Variants in KCNIP4 observed in about 807,000 individuals in gnomAD.
KCNIP4 encodes the protein potassium voltage-gated channel interacting protein 4, also known as Kv channel-interacting protein 4.
A neutral mutation model predicts 34.0 loss-of-function variants in KCNIP4; 12 were observed. That is an observed-to-expected ratio of 0.35 (90% CI 0.23 to 0.57). The LOEUF is 0.57. Ranked by LOEUF, KCNIP4 falls within the 20% of genes least tolerant of loss-of-function variation. The probability of loss-of-function intolerance (pLI) is 0.83; values close to 1 mark genes in which losing one functional copy is unlikely to be tolerated. For synonymous variants in KCNIP4, 124 were observed against 102.2 expected (o/e 1.21, Z -1.29); for missense variants, 238 against 311.7 (o/e 0.76, Z 1.78).
intron 1 of KCNIP4, among the ~76,000 whole-genome samples, chr4:21,419,728 C>G (rs942498260): frequency 6.6e-6 from 1 of 151,810 alleles, no homozygotes; most frequent in Non-Finnish European, 1.5e-5. Flanking sequence ...TAGGTTAATT[C>G]TATTAGGCTT....
chr4:20,898,333 A>T (rs2149547770), intron 1 of KCNIP4, among the ~76,000 whole-genome samples: 1 of 152,278 alleles, frequency 6.6e-6, no homozygotes, highest in African/African-American at 2.4e-5. Flanking sequence ...ATAGTCTATT[A>T]GTTCTGTTTC....
At chr4:21,768,585 A>T (rs1220683330) in intron 1 of KCNIP4, among the ~76,000 whole-genome samples, 1 of 152,144 alleles carries the variant, frequency 6.6e-6, no homozygotes, top group East Asian at 1.9e-4. Flanking sequence ...GCTGGTAAGC[A>T]CCAAACTTTA....
chr4:20,975,105 A>G (rs201318823), intron 1 of KCNIP4, among the ~76,000 whole-genome samples: 1 of 152,240 alleles, frequency 6.6e-6, no homozygotes, highest in South Asian at 2.1e-4. Flanking sequence ...CACCAAGATC[A>G]CAGCCAGTAA....
intron 1 of KCNIP4, among the ~76,000 whole-genome samples, chr4:21,718,208 A>G (rs1048155750): frequency 2.1e-4 from 32 of 152,224 alleles, no homozygotes; most frequent in African/African-American, 7.7e-4. Context: ...CTATATTTAG[A>G]AATAGTTTCA....
intron 1 of KCNIP4, among the ~76,000 whole-genome samples, chr4:21,634,902 T>A (rs1746021808): frequency 6.6e-6 from 1 of 152,160 alleles, no homozygotes; most frequent in Admixed American, 6.5e-5. Context: ...AGCAAATTTA[T>A]AAGAATAGCA....
chr4:21,411,555 C>A (rs1724508267), intron 1 of KCNIP4, among the ~76,000 whole-genome samples: 1 of 152,202 alleles, frequency 6.6e-6, no homozygotes, highest in African/African-American at 2.4e-5. Flanking sequence ...TGGCTCACAC[C>A]TGTAATTCCA....
intron 1 of KCNIP4, among the ~76,000 whole-genome samples, chr4:21,628,725 A>G (rs1157434367): frequency 4.6e-5 from 7 of 152,210 alleles, no homozygotes; most frequent in Non-Finnish European, 8.8e-5. Flanking sequence ...AAAAAAAACA[A>G]GTATCTCCCT....
chr4:21,555,247 A>C (rs1338247671), intron 1 of KCNIP4, among the ~76,000 whole-genome samples: 3 of 152,176 alleles, frequency 2.0e-5, no homozygotes, highest in African/African-American at 7.2e-5. Context: ...AAGCCAAATC[A>C]TCAATGCAGA....
chr4:21,671,472 T>C (rs1749497546), intron 1 of KCNIP4, among the ~76,000 whole-genome samples: 1 of 152,204 alleles, frequency 6.6e-6, no homozygotes. Flanking sequence ...CCTAGTACAT[T>C]TGGAGAAAAT....
chr4:21,900,184 T>A (rs1044725327), intron 1 of KCNIP4, among the ~76,000 whole-genome samples: 1 of 152,208 alleles, frequency 6.6e-6, no homozygotes, highest in African/African-American at 2.4e-5. Context: ...AAGTTTTCAT[T>A]GTTTCTGTAA....
intron 1 of KCNIP4, among the ~76,000 whole-genome samples, chr4:20,894,891 C>A (rs139433694): frequency 6.6e-6 from 1 of 152,138 alleles, no homozygotes; most frequent in African/African-American, 2.4e-5. Context: ...GCTCTAACAA[C>A]AATAAGAACA....
intron 1 of KCNIP4, among the ~76,000 whole-genome samples, chr4:21,381,377 T>C (rs1721489278): frequency 6.6e-6 from 1 of 152,182 alleles, no homozygotes; most frequent in Admixed American, 6.5e-5. Context: ...AATGACACAT[T>C]CTATTTTGGG....
chr4:21,130,638 G>A (rs1410872341), intron 1 of KCNIP4, among the ~76,000 whole-genome samples: 1 of 152,172 alleles, frequency 6.6e-6, no homozygotes, highest in Non-Finnish European at 1.5e-5. Context: ...AAATGAATGA[G>A]TGGTTGAGAA....
chr4:21,770,681 T>C (rs906993048), intron 1 of KCNIP4, among the ~76,000 whole-genome samples: 7 of 152,184 alleles, frequency 4.6e-5, no homozygotes, highest in Non-Finnish European at 1.0e-4. Flanking sequence ...GTGATTTTGA[T>C]TTGTATTTCT....
intron 1 of KCNIP4, among the ~76,000 whole-genome samples, chr4:20,899,756 C>A (rs565608054): frequency 3.9e-5 from 6 of 152,226 alleles, no homozygotes; most frequent in African/African-American, 1.4e-4. Context: ...AAGGTAATAT[C>A]CCTTAAAGCT....
At chr4:21,007,362 A>C (rs895601379) in intron 1 of KCNIP4, among the ~76,000 whole-genome samples, 4 of 152,194 alleles carry the variant, frequency 2.6e-5, no homozygotes, top group Admixed American at 6.5e-5. Context: ...GGCAGTGTCC[A>C]TGTTCCAGGG....
intron 1 of KCNIP4, among the ~76,000 whole-genome samples, chr4:21,191,131 G>C (rs781242907): frequency 6.6e-6 from 1 of 152,144 alleles, no homozygotes; most frequent in East Asian, 1.9e-4. Flanking sequence ...AAAGAGAATT[G>C]TTTGCAGTAA....
intron 1 of KCNIP4, among the ~76,000 whole-genome samples, chr4:21,782,230 T>C (rs960181376): frequency 2.0e-5 from 3 of 152,120 alleles, no homozygotes; most frequent in African/African-American, 7.2e-5. Flanking sequence ...TAATGATATA[T>C]ATACGTGGAA....
rs1553860312 is a variant in KCNIP4, at chr4:21,320,964, T to TTAAAAAAA, written c.62-438256_62-438255insTTTTTTTA. ...TGGGCAATAGAGCAAGAATCTGTCT[T>TTAAAAAAA]AAAAAAAAAAAAAAAAAAGAGGAAA... On this transcript the variant is annotated intron_variant, in intron 1 of 8. Coordinates refer to ENST00000382152, the MANE Select transcript of KCNIP4 (RefSeq NM_025221.6). Among the ~76,000 whole-genome samples the TTAAAAAAA allele has an allele frequency of 9.7e-5, 10 of 102,900 alleles. No homozygotes were observed. The East Asian group carries it at 1.3e-3, about 13-fold the overall frequency. The allele number at this position is 102,900 out of a possible 152,430, so 67.5% of individuals were successfully genotyped here. A position where few individuals can be genotyped will look rare whatever the true frequency, so the allele number is the denominator to read the frequency against.
Sources: gnomAD v4.1 joint callset for allele counts (sites outside exome capture counted in the v4.1 genomes callset) on GRCh38, gnomAD v4.1.1 for gene constraint, MANE v1.5 for transcripts, NCBI Gene and HGNC (gene_info 2026-07-23, HGNC 2026-07-21) for gene names.